CHST11: variants seen among roughly 807,000 people sequenced by gnomAD.
CHST11 encodes carbohydrate sulfotransferase 11.
Under a neutral mutation model 30.4 loss-of-function variants are expected in CHST11, and 9 were observed. That is an observed-to-expected ratio of 0.30 (90% confidence interval 0.18 to 0.52). The LOEUF (loss-of-function observed/expected upper bound fraction) is 0.52, where lower values mean the gene tolerates loss of function less well. Ranked by LOEUF, CHST11 falls within the 20% of genes least tolerant of loss-of-function variation. The pLI is 0.97. For synonymous variants in CHST11, 152 were observed against 187.8 expected (o/e 0.81, Z 1.56); for missense variants, 348 against 460.6 (o/e 0.76, Z 2.24).
At chr12:104,571,789 G>A (rs1211200764) in intron 1 of CHST11, among the ~76,000 whole-genome samples, 2 of 152,200 alleles carry the variant, frequency 1.3e-5, no homozygotes, top group Admixed American at 6.5e-5. Context: ...CCTGTCTTGT[G>A]CCGGTTTTCA....
chr12:104,697,596 CT>C (rs1318242862), intron 2 of CHST11, among the ~76,000 whole-genome samples: 3 of 152,200 alleles, frequency 2.0e-5, no homozygotes, highest in Non-Finnish European at 2.9e-5. Flanking sequence ...TAAACCTCCT[CT>C]TATATATGTC....
intron 1 of CHST11, among the ~76,000 whole-genome samples, chr12:104,589,923 T>C (rs2038841222): frequency 6.6e-6 from 1 of 152,040 alleles, no homozygotes. Context: ...GCAGGAGAAT[T>C]GCTTGAATCC....
intron 2 of CHST11, among the ~76,000 whole-genome samples, chr12:104,632,923 G>A (rs2039285008): frequency 6.6e-6 from 1 of 152,268 alleles, no homozygotes; most frequent in South Asian, 2.1e-4. Flanking sequence ...TCCCTGGAGG[G>A]GGTGAGGGAA....
At chr12:104,474,660 A>G (rs2037540977) in intron 1 of CHST11, among the ~76,000 whole-genome samples, 1 of 152,230 alleles carries the variant, frequency 6.6e-6, no homozygotes, top group African/African-American at 2.4e-5. Context: ...ATGGGAAATA[A>G]ACAAGGAATG....
chr12:104,466,281 A>G (rs2037456957), intron 1 of CHST11, among the ~76,000 whole-genome samples: 1 of 152,200 alleles, frequency 6.6e-6, no homozygotes, highest in South Asian at 2.1e-4. Context: ...AGTAGTTTAT[A>G]TAATAATTAA....
chr12:104,692,022 G>A (rs186744795), intron 2 of CHST11, among the ~76,000 whole-genome samples: 27 of 152,380 alleles, frequency 1.8e-4, no homozygotes, highest in African/African-American at 5.5e-4. Flanking sequence ...AGACCTCAGC[G>A]TGTCTCCTTG....
At chr12:104,734,203 G>A (rs924847721) in intron 2 of CHST11, among the ~76,000 whole-genome samples, 5 of 152,236 alleles carry the variant, frequency 3.3e-5, no homozygotes, top group African/African-American at 7.2e-5. Flanking sequence ...AGAAGTGGAC[G>A]TGCTTTTCTG....
intron 1 of CHST11, among the ~76,000 whole-genome samples, chr12:104,511,213 T>C (rs2037962015): frequency 6.6e-6 from 1 of 152,192 alleles, no homozygotes; most frequent in African/African-American, 2.4e-5. Context: ...TCATCTGTCT[T>C]GTTTAATAAT....
At chr12:104,542,734 C>T (rs996197352) in intron 1 of CHST11, among the ~76,000 whole-genome samples, 1 of 152,124 alleles carries the variant, frequency 6.6e-6, no homozygotes, top group Non-Finnish European at 1.5e-5. Context: ...ACTGTATAAA[C>T]CTTTTAGTGC....
intron 2 of CHST11, among the ~76,000 whole-genome samples, chr12:104,678,174 G>A (rs934542622): frequency 1.3e-5 from 2 of 152,110 alleles, no homozygotes; most frequent in Non-Finnish European, 2.9e-5. Flanking sequence ...TTTTATTGCT[G>A]GATATCTCTA....
At chr12:104,736,925 A>G (rs1298989411) in intron 2 of CHST11, among the ~76,000 whole-genome samples, 2 of 152,258 alleles carry the variant, frequency 1.3e-5, no homozygotes, top group Non-Finnish European at 2.9e-5. Flanking sequence ...GAGTCTTGAT[A>G]GAAACCAAGT....
intron 2 of CHST11, among the ~76,000 whole-genome samples, chr12:104,649,483 G>A (rs577210090): frequency 6.6e-6 from 1 of 152,214 alleles, no homozygotes; most frequent in South Asian, 2.1e-4. Context: ...TCTGCCTGAG[G>A]TCACAAAATC....
chr12:104,488,122 T>A (rs548552192), intron 1 of CHST11, among the ~76,000 whole-genome samples: 7 of 151,496 alleles, frequency 4.6e-5, no homozygotes, highest in Non-Finnish European at 7.4e-5. Flanking sequence ...GGCAACTAAT[T>A]TTTTTATATG....
rs77540568 is a variant in CHST11 at position 104,707,639 on chromosome 12, A to T, written c.205-49310A>T. 2.7e-3 allele frequency among the ~76,000 whole-genome samples: 406 copies of T among 152,290 alleles called. 1 individual carries two copies. The highest frequency in any genetic ancestry group is 9.5e-3 in the African/African-American group (396 of 41,560). On this transcript the variant is annotated intron_variant, in intron 2 of 2. Transcript: ENST00000303694. ...CCCCAAAGCAGAACCTGAAGAAAAG[A>T]TTCCTTTGTTTTCTATTAGCTGAAA...
rs1006614750 is a variant in CHST11, at chr12:104,761,747, T to C, written c.*3944T>C. The C allele has an allele frequency of 2.6e-5, 4 of 152,246 alleles. No homozygotes were observed. Among genetic ancestry groups the C allele is most frequent in the Non-Finnish European group, 5.9e-5 (4 of 68,046 alleles). 9.4% of individuals were successfully genotyped at this position (152,246 alleles called of 1,614,324 possible). On this transcript the variant is annotated 3_prime_UTR_variant, in exon 3 of 3. Coordinates refer to ENST00000303694, the MANE Select transcript of CHST11 (RefSeq NM_018413.6). ...TGTTAGGTCCAGAAGGAGCTGCCCA[T>C]ACTACTTTCTTATGAGCATGCTCAG...
rs1321160570 is a variant in CHST11 at position 104,457,482 on chromosome 12, G to A, written c.71G>A (p.Gly24Glu). 1.2e-6 allele frequency: 2 copies of A among 1,614,080 alleles called. No individual in the cohort carries two copies. The highest frequency in any genetic ancestry group is 1.7e-6 in the Non-Finnish European group (2 of 1,179,992). The change falls in exon 1 of 3, where the codon GGA becomes GAA. Residue 24 changes from glycine (G) to glutamate (E), a missense_variant. By Grantham distance (98) the Gly-to-Glu change is moderately conservative (BLOSUM62 -2). Transcript: ENST00000303694. ...ICRMVLATCLGSFILVIFYFQ... is the reference protein window; with the variant it reads ...ICRMVLATCLESFILVIFYFQ... ...CGGATGGTGCTGGCCACTTGCTTGG[G>A]ATCCTTTATCCTGGTCATCTTCTAT... is the stretch of plus-strand genomic sequence containing the variant.
intron 1 of CHST11, among the ~76,000 whole-genome samples, chr12:104,515,449 T>G (rs1291159129): frequency 6.6e-6 from 1 of 152,304 alleles, no homozygotes; most frequent in East Asian, 1.9e-4. Flanking sequence ...GTGTTAAAGC[T>G]TGGGGAAAGC....
chr12:104,705,116 C>A (rs2040021393), intron 2 of CHST11, among the ~76,000 whole-genome samples: 1 of 152,206 alleles, frequency 6.6e-6, no homozygotes, highest in South Asian at 2.1e-4. Flanking sequence ...AGCACCTTCA[C>A]ACTTTCTTTA....
Position 104,514,536 on chromosome 12 carries a change from A to C in CHST11, c.118+57007A>C, listed in dbSNP as rs540263276. On this transcript the variant is annotated intron_variant, in intron 1 of 2. Coordinates refer to ENST00000303694, the MANE Select transcript of CHST11 (RefSeq NM_018413.6). ...AGCTTTACAACATTTCTCTAAAAAA[A>C]AGAAAAAAGAAATAGAGGTTTACTT... 3.8e-5 allele frequency: 20 copies of C among 519,492 alleles called. 1 individual carries two copies. The East Asian group carries it at 5.9e-4, about 15-fold the overall frequency. 32.2% of individuals were successfully genotyped at this position (519,492 alleles called of 1,614,324 possible). A position where few individuals can be genotyped will look rare whatever the true frequency, so the allele number is the denominator to read the frequency against.
Sources: gnomAD v4.1 joint callset for allele counts (sites outside exome capture counted in the v4.1 genomes callset) on GRCh38, gnomAD v4.1.1 for gene constraint, MANE v1.5 for transcripts, NCBI Gene and HGNC (gene_info 2026-07-23, HGNC 2026-07-21) for gene names.